SDK2: variants seen among roughly 807,000 people sequenced by gnomAD.
The protein encoded by SDK2 is sidekick cell adhesion molecule 2.
A neutral mutation model predicts 253.9 loss-of-function variants in SDK2; 105 were observed. That is an observed-to-expected ratio of 0.41 (90% CI 0.35 to 0.49). The LOEUF (loss-of-function observed/expected upper bound fraction) is 0.49. Ranked by LOEUF, SDK2 falls within the 20% of genes least tolerant of loss-of-function variation. SDK2 has a pLI of 0.06. For synonymous variants in SDK2, 1,249 were observed against 1,234.9 expected (o/e 1.01, Z -0.24); for missense variants, 2,608 against 3,003.0 (o/e 0.87, Z 3.07).
chr17:73,418,961 G>A lies in SDK2; in HGVS notation c.2186+205C>T, dbSNP rs1695267056. Among the ~76,000 whole-genome samples the A allele has an allele frequency of 2.0e-5, 3 of 152,216 alleles. No individual in the cohort carries two copies. In the South Asian group the frequency reaches 6.2e-4, roughly 32 times the overall value. Reference sequence around the variant, plus strand: ...CTCCCCTCTCACGCATTCCTCGCTGGTGTCCAGGGGTCTTGCCACTGGAAG... The same window carrying A: ...CTCCCCTCTCACGCATTCCTCGCTGATGTCCAGGGGTCTTGCCACTGGAAG... On this transcript the variant is annotated intron_variant, in intron 16 of 44. Transcript: ENST00000392650.
At chr17:73,547,948 G>A (rs2044991347) in intron 1 of SDK2, among the ~76,000 whole-genome samples, 1 of 152,212 alleles carries the variant, frequency 6.6e-6, no homozygotes, top group South Asian at 2.1e-4. Context: ...GAAGGCAAAG[G>A]GGAAGAAGCA....
Position 73,422,373 on chromosome 17 carries a change from C to A in SDK2, c.1959G>T (p.Lys653Asn). The A allele has an allele frequency of 6.2e-7, 1 of 1,614,000 alleles. No homozygotes were observed. The highest frequency in any genetic ancestry group is 8.5e-7 in the Non-Finnish European group (1 of 1,179,886). ...VDPKATSVTV[K>N]GLVPARSYQF... Reference sequence around the variant, plus strand: ...GGTAGGAGCGTGCAGGAACCAGGCCCTTGACTGTCACTGAGGTAGCTTTGG... The same window carrying A: ...GGTAGGAGCGTGCAGGAACCAGGCCATTGACTGTCACTGAGGTAGCTTTGG... Residue 653 changes from lysine (K) to asparagine (N), a missense_variant, in exon 15 of 45, where the codon AAG becomes AAT. Coordinates refer to ENST00000392650, the MANE Select transcript of SDK2 (RefSeq NM_001144952.2).
chr17:73,346,654 G>A (rs2062487400), intron 44 of SDK2, among the ~76,000 whole-genome samples: 1 of 152,106 alleles, frequency 6.6e-6, no homozygotes, highest in Admixed American at 6.6e-5. Flanking sequence ...ATATGTGTTT[G>A]TTTATAAGTC....
Position 73,413,830 on chromosome 17 carries a change from G to A in SDK2, c.2484+814C>T, listed in dbSNP as rs527519776. ...AGCTGAGACATATTAAAGAACATGC[G>A]CAGGTTGCCAGCAAGAGGCAAAGCT... On this transcript the variant is annotated intron_variant, in intron 18 of 44. Coordinates refer to ENST00000392650, the MANE Select transcript of SDK2 (RefSeq NM_001144952.2). 3.3e-5 allele frequency among the ~76,000 whole-genome samples: 5 copies of A among 152,192 alleles called. No homozygotes were observed. In the South Asian group the frequency reaches 6.2e-4, roughly 19 times the overall value.
At position 73,521,753 on chromosome 17, in the gene SDK2, C is replaced by T. The variant is rs9652809; in HGVS notation, c.65-14156G>A. Among the ~76,000 whole-genome samples the T allele has an allele frequency of 7.6e-3, 1,162 of 152,252 alleles. 20 individuals carry two copies. Among genetic ancestry groups the T allele is most frequent in the African/African-American group, 0.027 (1,102 of 41,542 alleles). On this transcript the variant is annotated intron_variant, in intron 1 of 44. Coordinates refer to ENST00000392650, the MANE Select transcript of SDK2 (RefSeq NM_001144952.2). ...CCCAACTCCACATTTACAGACTGCT[C>T]GAGACAGAGTCAACACCTGTTTTCT... is the stretch of plus-strand genomic sequence containing the variant.
chr17:73,510,628 T>C (rs2063972922), intron 1 of SDK2, among the ~76,000 whole-genome samples: 1 of 152,056 alleles, frequency 6.6e-6, no homozygotes, highest in South Asian at 2.1e-4. Context: ...GCCTCCTGAG[T>C]AGCTGAGATC....
At chr17:73,514,442 A>G (rs1326697842) in intron 1 of SDK2, among the ~76,000 whole-genome samples, 2 of 152,194 alleles carry the variant, frequency 1.3e-5, no homozygotes, top group South Asian at 2.1e-4. Flanking sequence ...AAATAATGTC[A>G]TCTTTCTCTG....
At chr17:73,611,220 C>T (rs944865293) in intron 1 of SDK2, among the ~76,000 whole-genome samples, 1 of 152,158 alleles carries the variant, frequency 6.6e-6, no homozygotes, top group Non-Finnish European at 1.5e-5. Flanking sequence ...TCCTTTTATC[C>T]CACTCTCTCT....
In SDK2 at chr17:73,583,036, T is replaced by C. The variant is rs534920367; in HGVS notation, c.64+60989A>G. Among the ~76,000 whole-genome samples, 6 of 152,280 alleles carry C rather than the reference T, an allele frequency of 3.9e-5. No homozygotes were observed. The East Asian group carries it at 1.2e-3, about 29-fold the overall frequency. ...CCAGGACACTCACCCCCTGCCTCTTTGCATACCAACTCCTATGCATCCTTT... is the reference window on the plus strand; with the variant it reads ...CCAGGACACTCACCCCCTGCCTCTTCGCATACCAACTCCTATGCATCCTTT... On this transcript the variant is annotated intron_variant, in intron 1 of 44. Transcript: ENST00000392650.
intron 1 of SDK2, among the ~76,000 whole-genome samples, chr17:73,633,573 T>G (rs546333638): frequency 6.6e-6 from 1 of 152,226 alleles, no homozygotes; most frequent in African/African-American, 2.4e-5. Context: ...ACTTGTTATA[T>G]TCTCTCTCTG....
At chr17:73,427,507 T>C (rs1444978014) in intron 12 of SDK2, among the ~76,000 whole-genome samples, 1 of 152,226 alleles carries the variant, frequency 6.6e-6, no homozygotes, top group African/African-American at 2.4e-5. Context: ...TTTGGTCCTT[T>C]ACAGCAAAGA....
chr17:73,340,734 G>GTTGT (rs2062427536), intron 44 of SDK2, among the ~76,000 whole-genome samples: 2 of 77,550 alleles, frequency 2.6e-5, no homozygotes, highest in Non-Finnish European at 4.4e-5. Flanking sequence ...AAACCTTAAA[G>GTTGT]TTTTTTTTTT....
At chr17:73,598,916 C>T (rs1220206802) in intron 1 of SDK2, among the ~76,000 whole-genome samples, 2 of 152,366 alleles carry the variant, frequency 1.3e-5, no homozygotes, top group East Asian at 3.9e-4. Flanking sequence ...CACCAAGCGC[C>T]GGCTTGCTTC....
At chr17:73,459,118 T>C (rs1234415183) in intron 3 of SDK2, among the ~76,000 whole-genome samples, 1 of 152,172 alleles carries the variant, frequency 6.6e-6, no homozygotes, top group Non-Finnish European at 1.5e-5. Flanking sequence ...TTCCCTTCCC[T>C]GCCCCCACCA....
chr17:73,440,985 A>T (rs1056036255), intron 5 of SDK2, 62 bp from the exon 6 acceptor site: 11 of 1,229,100 alleles, frequency 8.9e-6, no homozygotes, highest in Non-Finnish European at 1.3e-5. Flanking sequence ...GCCCAGCCTC[A>T]TTAGAGGCTG....
rs1161080888 is a variant in SDK2 at position 73,629,446 on chromosome 17, C to G, written c.64+14579G>C. On this transcript the variant is annotated intron_variant, in intron 1 of 44. Coordinates refer to ENST00000392650, the MANE Select transcript of SDK2 (RefSeq NM_001144952.2). This position sits in a 1 kb window ranked among gnomAD's most constrained non-coding sequence, Gnocchi z 5.0. ...TGTAAGCACCTGAGGGCAGAAGCCACTTGGGGTGTGGCCAGGTACACTTTG... is the reference window on the plus strand; with the variant it reads ...TGTAAGCACCTGAGGGCAGAAGCCAGTTGGGGTGTGGCCAGGTACACTTTG... Among the ~76,000 whole-genome samples, 1 of 152,150 alleles carries G rather than the reference C, an allele frequency of 6.6e-6. No individual in the cohort carries two copies. Among genetic ancestry groups the G allele is most frequent in the Non-Finnish European group, 1.5e-5 (1 of 68,006 alleles).
In SDK2 at chr17:73,600,579, T is replaced by C. The variant is rs185798379; in HGVS notation, c.64+43446A>G. ...CCCCTAGCTCCCCAAGTGACTCCGATGGTGCCAGCAGACAGTGTGGGGAGA... is the reference window on the plus strand; with the variant it reads ...CCCCTAGCTCCCCAAGTGACTCCGACGGTGCCAGCAGACAGTGTGGGGAGA... On this transcript the variant is annotated intron_variant, in intron 1 of 44. Coordinates refer to ENST00000392650, the MANE Select transcript of SDK2 (RefSeq NM_001144952.2). Among the ~76,000 whole-genome samples, 19 of 152,190 alleles carry C rather than the reference T, an allele frequency of 1.2e-4. No individual in the cohort carries two copies. The East Asian group carries it at 1.4e-3, about 11-fold the overall frequency.
At chr17:73,585,317 C>T (rs931987489) in intron 1 of SDK2, among the ~76,000 whole-genome samples, 1 of 152,218 alleles carries the variant, frequency 6.6e-6, no homozygotes, top group African/African-American at 2.4e-5. Flanking sequence ...AAGTCTGGAG[C>T]CTGTGCAAGG....
At position 73,357,631 on chromosome 17, in the gene SDK2, C is replaced by T. The variant is rs559933682; in HGVS notation, c.5593+448G>A. ...GATGGCTTTGGAAGTTCTTGTGATT[C>T]AATTTCAGGCTTGACAGGAGAGGCT... On this transcript the variant is annotated intron_variant, in intron 40 of 44. Coordinates refer to ENST00000392650, the MANE Select transcript of SDK2 (RefSeq NM_001144952.2). 18 of 287,126 alleles carry T rather than the reference C, an allele frequency of 6.3e-5. 1 individual carries two copies. The highest frequency in any genetic ancestry group is 2.7e-4 in the South Asian group (9 of 32,980). The allele number at this position is 287,126 out of a possible 1,614,324, so 17.8% of individuals were successfully genotyped here. A position where few individuals can be genotyped will look rare whatever the true frequency, so the allele number is the denominator to read the frequency against.
Sources: gnomAD v4.1 joint callset for allele counts (sites outside exome capture counted in the v4.1 genomes callset) on GRCh38, gnomAD v4.1.1 for gene constraint, Gnocchi (gnomAD v3.1) non-coding constraint, MANE v1.5 for transcripts, NCBI Gene and HGNC (gene_info 2026-07-23, HGNC 2026-07-21) for gene names.